Variants in HKDC1 observed in about 807,000 individuals in gnomAD.
HKDC1 encodes the protein hexokinase domain containing 1, also known as hexokinase HKDC1.
HKDC1 carries 66 observed loss-of-function variants against 96.6 expected under a neutral mutation model. That is an observed-to-expected ratio of 0.68 (90% CI 0.56 to 0.84). The LOEUF is 0.84. Among genes scored for constraint, HKDC1 ranks in the 40% least tolerant of loss-of-function variants. The pLI, the probability that HKDC1 is intolerant of heterozygous loss-of-function variation, is 0.00. For synonymous variants in HKDC1, 466 were observed against 473.1 expected (o/e 0.98, Z 0.20); for missense variants, 1,211 against 1,208.1 (o/e 1.00, Z -0.04).
At chr10:69,257,003 T>C in intron 12 of HKDC1, 33 bp from the exon 13 acceptor site, 1 of 1,546,026 alleles carries the variant, frequency 6.5e-7, no homozygotes, top group Non-Finnish European at 8.9e-7. Flanking sequence ...TAGCAAACTA[T>C]TGCTCAAATG....
rs1311923667 is a variant in HKDC1 at position 69,267,420 on chromosome 10, G to A, written c.*663G>A. On this transcript the variant is annotated 3_prime_UTR_variant, in exon 18 of 18. Coordinates refer to ENST00000354624, the MANE Select transcript of HKDC1 (RefSeq NM_025130.4). Reference sequence around the variant, plus strand: ...TTCCTTATTAAGTGTGTGCCATGTGGTGGGGTGCTGTCTGGGGCATCTGTT... The same window carrying A: ...TTCCTTATTAAGTGTGTGCCATGTGATGGGGTGCTGTCTGGGGCATCTGTT... The A allele has an allele frequency of 4.5e-6, 2 of 448,036 alleles. No homozygotes were observed. The highest frequency in any genetic ancestry group is 4.9e-5 in the Admixed American group (2 of 40,666). The allele number at this position is 448,036 out of a possible 1,614,324, so 27.8% of individuals were successfully genotyped here.
intron 8 of HKDC1, 61 bp downstream of exon 8, chr10:69,246,295 G>C: frequency 6.4e-7 from 1 of 1,573,998 alleles, no homozygotes; most frequent in South Asian, 1.1e-5. Flanking sequence ...CAGGTGTGGG[G>C]TGCTCCATGT....
At chr10:69,248,902 G>A (rs1300114086) in intron 10 of HKDC1, 174 bp downstream of exon 10, 3 of 609,498 alleles carry the variant, frequency 4.9e-6, no homozygotes, top group African/African-American at 1.8e-5. Flanking sequence ...TTAACCCAAG[G>A]CATTTGCAGT....
In HKDC1 at chr10:69,232,844, C is replaced by G. The variant is rs201010349; in HGVS notation, c.307C>G (p.Arg103Gly). 1 of 1,613,930 alleles carries G rather than the reference C, an allele frequency of 6.2e-7. No individual in the cohort carries two copies. The highest frequency in any genetic ancestry group is 8.5e-7 in the Non-Finnish European group (1 of 1,180,012). Reference protein sequence around the residue: ...LKVQVAEEGKRHVQMESQFYP... With the variant: ...LKVQVAEEGKGHVQMESQFYP... ...GGTGCAAGTCGCTGAAGAGGGGAAGCGACACGTGCAGATGGAGAGTCAGTT... is the reference window on the plus strand; with the variant it reads ...GGTGCAAGTCGCTGAAGAGGGGAAGGGACACGTGCAGATGGAGAGTCAGTT... The change falls in exon 3 of 18, where the codon CGA becomes GGA. Residue 103 changes from arginine to glycine, a missense_variant. Arg to Gly is a moderately radical substitution (Grantham distance 125). Coordinates refer to ENST00000354624, the MANE Select transcript of HKDC1 (RefSeq NM_025130.4).
intron 10 of HKDC1, 100 bp downstream of exon 10, chr10:69,248,828 C>T (rs1376021528): frequency 1.7e-5 from 19 of 1,109,532 alleles, no homozygotes; most frequent in Middle Eastern, 3.0e-4. Context: ...CTTGGGTTCA[C>T]GTCTCTAATG....
intron 2 of HKDC1, among the ~76,000 whole-genome samples, chr10:69,227,695 T>C (rs1256572850): frequency 6.6e-6 from 1 of 152,190 alleles, no homozygotes; most frequent in Non-Finnish European, 1.5e-5. Flanking sequence ...ATCTAGGAAG[T>C]ATCCCTGTGC....
chr10:69,240,855 AT>A, intron 6 of HKDC1, 104 bp downstream of exon 6: 1 of 749,130 alleles, frequency 1.3e-6, no homozygotes, highest in Non-Finnish European at 2.3e-6. Context: ...GCACTGCACT[AT>A]TTAGGAGAAG....
chr10:69,260,428 GTGTC>G (rs1156732918), intron 15 of HKDC1, among the ~76,000 whole-genome samples: 1 of 152,162 alleles, frequency 6.6e-6, no homozygotes, highest in Non-Finnish European at 1.5e-5. Context: ...AGTTAGCTTT[GTGTC>G]TGTAGCCACT....
intron 2 of HKDC1, among the ~76,000 whole-genome samples, chr10:69,227,787 G>C (rs551250771): frequency 1.8e-4 from 27 of 152,280 alleles, no homozygotes; most frequent in African/African-American, 6.5e-4. Context: ...CTCACTCCGT[G>C]GGTCCAAGGT....
In HKDC1 at chr10:69,266,775, C is replaced by A; in HGVS notation, c.*18C>A. On this transcript the variant is annotated 3_prime_UTR_variant, in exon 18 of 18. Transcript: ENST00000354624. ...AGAACTAGGAACCCCTGGGATTGGA[C>A]CTGATGCATCTTGGATACTGAACAG... is the stretch of plus-strand genomic sequence containing the variant. The A allele has an allele frequency of 1.2e-6, 2 of 1,608,266 alleles. No homozygotes were observed. Among genetic ancestry groups the A allele is most frequent in the Non-Finnish European group, 1.7e-6 (2 of 1,177,842 alleles).
Position 69,265,508 on chromosome 10 carries a change from G to C in HKDC1, c.2373-77G>C. ...CCTCCTGTAAGGGCATCTAAGAATG[G>C]GGAGGCTGTGGGTCACACTGGGCAC... is the stretch of plus-strand genomic sequence containing the variant. On this transcript the variant is annotated intron_variant, in intron 16 of 17. Coordinates refer to ENST00000354624, the MANE Select transcript of HKDC1 (RefSeq NM_025130.4). 8 of 1,232,482 alleles carry C rather than the reference G, an allele frequency of 6.5e-6. No individual in the cohort carries two copies. In the South Asian group the frequency reaches 7.5e-5, roughly 12 times the overall value. The allele number at this position is 1,232,482 out of a possible 1,614,324, so 76.3% of individuals were successfully genotyped here. A position where few individuals can be genotyped will look rare whatever the true frequency, so the allele number is the denominator to read the frequency against.
intron 1 of HKDC1, 124 bp downstream of exon 1, chr10:69,220,622 G>T (rs763558781): frequency 2.1e-5 from 13 of 620,056 alleles, no homozygotes; most frequent in Non-Finnish European, 3.5e-5. Context: ...GGGAGCATAT[G>T]ACCAGTAAAA....
At chr10:69,224,503 C>T (rs56088826) in intron 1 of HKDC1, among the ~76,000 whole-genome samples, 23,406 of 152,056 alleles carry the variant, frequency 0.15, 2,397 homozygotes, top group Non-Finnish European at 0.22. Flanking sequence ...AGGCTGGTCT[C>T]GAACTCTGAC....
At chr10:69,256,817 A>G (rs1843722734) in intron 12 of HKDC1, among the ~76,000 whole-genome samples, 1 of 152,142 alleles carries the variant, frequency 6.6e-6, no homozygotes, top group Non-Finnish European at 1.5e-5. Flanking sequence ...AGGAGTATGA[A>G]TTGCTGCAAT....
intron 5 of HKDC1, 29 bp downstream of exon 5, chr10:69,239,166 T>C: frequency 1.9e-6 from 3 of 1,547,468 alleles, no homozygotes; most frequent in Middle Eastern, 1.7e-4. Flanking sequence ...TGTGGGAGGC[T>C]CTCCCAGCCC....
rs756080787 is a variant in HKDC1 at position 69,266,708 on chromosome 10, T to C, written c.2705T>C (p.Leu902Pro). Residue 902 changes from leucine (L) to proline (P), a missense_variant, in exon 18 of 18, where the codon CTG becomes CCG. Coordinates refer to ENST00000354624, the MANE Select transcript of HKDC1 (RefSeq NM_025130.4). ...GATGGCAGTGGAAAAGGGGCAGCAC[T>C]GATCACTGCTGTGGCCAAGAGGTTA... ...SEDGSGKGAA[L>P]ITAVAKRLQQ... 2.5e-6 allele frequency: 4 copies of C among 1,614,158 alleles called. No homozygotes were observed. Among genetic ancestry groups the C allele is most frequent in the South Asian group, 1.1e-5 (1 of 91,060 alleles).
At chr10:69,257,267 G>T in intron 13 of HKDC1, 60 bp from the exon 14 acceptor site, 16 of 1,516,374 alleles carry the variant, frequency 1.1e-5, no homozygotes, top group Non-Finnish European at 1.5e-5. Context: ...AAACCTGTTT[G>T]GCTTGCACAT....
At position 69,255,197 on chromosome 10, in the gene HKDC1, G is replaced by A. The variant is rs150147276; in HGVS notation, c.1837-1839G>A. Among the ~76,000 whole-genome samples, 589 of 152,358 alleles carry A rather than the reference G, an allele frequency of 3.9e-3. 4 individuals carry two copies. Among genetic ancestry groups the A allele is most frequent in the African/African-American group, 0.013 (557 of 41,592 alleles). The stretch of plus-strand genomic sequence containing the variant: ...AAGAAGGAGGGGAGACCCGTGGGCA[G>A]CTAAAAGTAAAGATACCCATGGTTG... On this transcript the variant is annotated intron_variant, in intron 12 of 17. Transcript: ENST00000354624.
chr10:69,266,540 A>T (rs1843901542), intron 17 of HKDC1, 70 bp from the exon 18 acceptor site: 1 of 1,517,412 alleles, frequency 6.6e-7, no homozygotes, highest in Admixed American at 1.9e-5. Context: ...AAGAAATTAG[A>T]TTATGATCAT....
Sources: gnomAD v4.1 joint callset for allele counts (sites outside exome capture counted in the v4.1 genomes callset) on GRCh38, gnomAD v4.1.1 for gene constraint, MANE v1.5 for transcripts, NCBI Gene and HGNC (gene_info 2026-07-23, HGNC 2026-07-21) for gene names.